Variants in CCSER1 observed in about 807,000 individuals in gnomAD.
CCSER1 encodes serine-rich coiled-coil domain-containing protein 1.
CCSER1 carries 41 observed loss-of-function variants against 82.0 expected under a neutral mutation model. That is an observed-to-expected ratio of 0.50 (90% CI 0.39 to 0.65). The LOEUF (loss-of-function observed/expected upper bound fraction) is 0.65, where lower values mean the gene tolerates loss of function less well. Ranked by LOEUF, CCSER1 falls within the 30% of genes least tolerant of loss-of-function variation. CCSER1 has a pLI of 0.00. For synonymous variants in CCSER1, 414 were observed against 383.9 expected, an observed-to-expected ratio of 1.08 and a Z score of -0.92; for missense variants, 1,119 against 1,064.2, an observed-to-expected ratio of 1.05 and a Z score of -0.72.
chr4:91,517,748 G>C (rs1463062058), intron 10 of CCSER1, among the ~76,000 whole-genome samples: 1 of 70,788 alleles, frequency 1.4e-5, no homozygotes, highest in Non-Finnish European at 3.0e-5. Context: ...TCTTTCTCGT[G>C]TGTGTGTGTG....
intron 8 of CCSER1, among the ~76,000 whole-genome samples, chr4:90,820,043 A>T (rs920666051): frequency 1.3e-5 from 2 of 152,184 alleles, no homozygotes; most frequent in Non-Finnish European, 2.9e-5. Flanking sequence ...ATAGAACAAA[A>T]TCTCCTCTGC....
intron 9 of CCSER1, among the ~76,000 whole-genome samples, chr4:90,935,540 G>A (rs554513462): frequency 2.0e-5 from 3 of 152,266 alleles, no homozygotes; most frequent in South Asian, 4.1e-4. Flanking sequence ...AAGATATGAG[G>A]TGAAGGCTAC....
At chr4:91,053,198 G>A (rs1371884935) in intron 9 of CCSER1, among the ~76,000 whole-genome samples, 4 of 152,216 alleles carry the variant, frequency 2.6e-5, no homozygotes, top group Non-Finnish European at 5.9e-5. Context: ...TAAGACTTAT[G>A]AAGTCCCATA....
At chr4:91,498,741 T>A (rs1578628236) in intron 10 of CCSER1, among the ~76,000 whole-genome samples, 1 of 152,068 alleles carries the variant, frequency 6.6e-6, no homozygotes, top group Non-Finnish European at 1.5e-5. Context: ...TTTCTTATCA[T>A]GTTTATTATA....
chr4:91,217,260 C>A lies in CCSER1; in HGVS notation c.2217+131266C>A, dbSNP rs558717035. Among the ~76,000 whole-genome samples the A allele has an allele frequency of 6.6e-5, 10 of 152,284 alleles. No homozygotes were observed. In the South Asian group the frequency reaches 2.1e-3, roughly 32 times the overall value. On this transcript the variant is annotated intron_variant, in intron 10 of 10. Coordinates refer to ENST00000509176, the MANE Select transcript of CCSER1 (RefSeq NM_001145065.2). ...GGGTTGCCAATGCTGGCTCAGGCAG[C>A]CTGCTTTCATTCTCTTATCTGGCCC...
At position 90,766,512 on chromosome 4, in the gene CCSER1, T is replaced by C. The variant is rs1751251981; in HGVS notation, c.2010+42521T>C. 2.6e-5 allele frequency among the ~76,000 whole-genome samples: 4 copies of C among 152,110 alleles called. No homozygotes were observed. In the South Asian group the frequency reaches 8.3e-4, roughly 32 times the overall value. ...CAAATCATTGGCCAGGCCTGGTGAA[T>C]GTGGACCTATAGTCTCAACTACTCA... On this transcript the variant is annotated intron_variant, in intron 7 of 10. Transcript: ENST00000509176.
chr4:90,202,956 C>G (rs1738048815), intron 1 of CCSER1, among the ~76,000 whole-genome samples: 1 of 152,140 alleles, frequency 6.6e-6, no homozygotes, highest in Admixed American at 6.5e-5. Flanking sequence ...TATTTGCAAT[C>G]TGTATTTGAT....
intron 3 of CCSER1, among the ~76,000 whole-genome samples, chr4:90,391,444 G>GTATATA (rs770320334): frequency 0.012 from 444 of 37,410 alleles, 3 homozygotes; most frequent in Non-Finnish European, 0.014. Context: ...ATATATGGGG[G>GTATATA]TATATATATA....
chr4:90,654,919 C>T (rs923754737), intron 6 of CCSER1, among the ~76,000 whole-genome samples: 2 of 151,870 alleles, frequency 1.3e-5, no homozygotes, highest in Non-Finnish European at 2.9e-5. Flanking sequence ...TTATTGTCAT[C>T]AGAAATTTTA....
At chr4:90,159,407 C>T (rs535252703) in intron 1 of CCSER1, among the ~76,000 whole-genome samples, 3 of 152,006 alleles carry the variant, frequency 2.0e-5, no homozygotes, top group Non-Finnish European at 2.9e-5. Flanking sequence ...TTCAGTACCT[C>T]GATGAATGGT....
At chr4:91,232,341 G>A (rs1184106544) in intron 10 of CCSER1, among the ~76,000 whole-genome samples, 1 of 151,598 alleles carries the variant, frequency 6.6e-6, no homozygotes, top group East Asian at 1.9e-4. Flanking sequence ...CACTGACAGG[G>A]GACTTTTTCA....
At chr4:91,529,204 G>A (rs943204247) in intron 10 of CCSER1, among the ~76,000 whole-genome samples, 1 of 152,094 alleles carries the variant, frequency 6.6e-6, no homozygotes, top group Non-Finnish European at 1.5e-5. Flanking sequence ...CCTTTCAATA[G>A]CAGTGAAATT....
intron 7 of CCSER1, among the ~76,000 whole-genome samples, chr4:90,748,525 G>A (rs1360731951): frequency 2.7e-5 from 4 of 148,546 alleles, no homozygotes; most frequent in Admixed American, 1.4e-4. Context: ...ATAGCAGCAC[G>A]ATTTATAGTC....
chr4:91,336,182 A>T (rs1300113474), intron 10 of CCSER1, among the ~76,000 whole-genome samples: 1 of 152,106 alleles, frequency 6.6e-6, no homozygotes, highest in Non-Finnish European at 1.5e-5. Context: ...CATCTCATCA[A>T]GCTACATTTC....
In CCSER1 at chr4:90,779,420, A is replaced by G. The variant is rs78903928; in HGVS notation, c.2011-36342A>G. On this transcript the variant is annotated intron_variant, in intron 7 of 10. Transcript: ENST00000509176. ...AACGCTCATCATACTTTAAAAAAAA[A>G]AAATCTGCGTCTTGTGCAATTTGAA... Among the ~76,000 whole-genome samples the G allele has an allele frequency of 6.6e-5, 10 of 152,320 alleles. No homozygotes were observed. The East Asian group carries it at 1.9e-3, about 29-fold the overall frequency.
intron 10 of CCSER1, among the ~76,000 whole-genome samples, chr4:91,372,599 C>T (rs1750122193): frequency 6.6e-6 from 1 of 151,812 alleles, no homozygotes; most frequent in Non-Finnish European, 1.5e-5. Context: ...AATAGATATG[C>T]TATGGTATAA....
chr4:91,092,994 C>T (rs182986415), intron 10 of CCSER1, among the ~76,000 whole-genome samples: 1 of 152,212 alleles, frequency 6.6e-6, no homozygotes, highest in East Asian at 1.9e-4. Context: ...TATGTCCTTT[C>T]CCCCGAATTT....
At position 90,857,039 on chromosome 4, in the gene CCSER1, A is replaced by T. The variant is rs566788117; in HGVS notation, c.2094+41194A>T. On this transcript the variant is annotated intron_variant, in intron 8 of 10. Coordinates refer to ENST00000509176, the MANE Select transcript of CCSER1 (RefSeq NM_001145065.2). ...TATCTTTTACTTCAATCGCATATTAATTTTGAGGGAGTTAGAGTGAGGCTG... is the reference window on the plus strand; with the variant it reads ...TATCTTTTACTTCAATCGCATATTATTTTTGAGGGAGTTAGAGTGAGGCTG... Among the ~76,000 whole-genome samples the T allele has an allele frequency of 3.3e-5, 5 of 151,870 alleles. No individual in the cohort carries two copies. In the East Asian group the frequency reaches 9.7e-4, roughly 30 times the overall value.
At chr4:91,523,710 C>T (rs1335120737) in intron 10 of CCSER1, among the ~76,000 whole-genome samples, 13 of 152,018 alleles carry the variant, frequency 8.6e-5, no homozygotes, top group Admixed American at 3.9e-4. Context: ...TCTGTGGGAT[C>T]GATGGTGATA....
Sources: allele counts gnomAD v4.1 joint callset (sites outside exome capture counted in the v4.1 genomes callset), GRCh38; gene constraint gnomAD v4.1.1; transcripts MANE v1.5; gene names NCBI Gene and HGNC (gene_info 2026-07-23, HGNC 2026-07-21).